TAF1B: variants seen among roughly 807,000 people sequenced by gnomAD.
TAF1B encodes TATA box-binding protein-associated factor RNA polymerase I subunit B.
In TAF1B, 61 loss-of-function variants were observed where a neutral mutation model predicts 83.9. That is an observed-to-expected ratio of 0.73 (90% CI 0.59 to 0.90). TAF1B has a LOEUF of 0.90. Among genes scored for constraint, TAF1B ranks in the 40% least tolerant of loss-of-function variants. The pLI, the probability that TAF1B is intolerant of heterozygous loss-of-function variation, is 0.00. For synonymous variants in TAF1B, 221 were observed against 224.6 expected (o/e 0.98, Z 0.14); for missense variants, 625 against 677.0 (o/e 0.92, Z 0.85).
intron 8 of TAF1B, among the ~76,000 whole-genome samples, chr2:9,901,053 G>A (rs972332504): frequency 6.6e-5 from 10 of 151,988 alleles, no homozygotes; most frequent in African/African-American, 2.4e-4. Flanking sequence ...TAATGTTGAT[G>A]TGTTATTTTT....
rs142976824 is a variant in TAF1B at position 9,904,865 on chromosome 2, C to T, written c.814C>T (p.Pro272Ser). The T allele has an allele frequency of 3.9e-4, 632 of 1,609,370 alleles. No individual in the cohort carries two copies. Among genetic ancestry groups the T allele is most frequent in the Non-Finnish European group, 5.2e-4 (611 of 1,176,222 alleles). The change falls in exon 9 of 15, where the codon CCT becomes TCT. Residue 272 changes from proline to serine, a missense_variant. Physicochemically the swap from Pro to Ser is moderately conservative, Grantham distance 74. Coordinates refer to ENST00000263663, the MANE Select transcript of TAF1B (RefSeq NM_005680.3). ...DRGIFGIESW[P>S]DYEDIYKKTV... ...GGTCTCTCTTTTATTTCAGTCTTGGCCTGACTACGAGGACATCTACAAAAA... is the reference window on the plus strand; with the variant it reads ...GGTCTCTCTTTTATTTCAGTCTTGGTCTGACTACGAGGACATCTACAAAAA...
intron 5 of TAF1B, among the ~76,000 whole-genome samples, chr2:9,855,434 T>G (rs749244630): frequency 6.6e-6 from 1 of 152,148 alleles, no homozygotes; most frequent in African/African-American, 2.4e-5. Context: ...ATCCCAACAC[T>G]TTGAGAGGCT....
At chr2:9,900,316 A>G (rs371875860) in intron 8 of TAF1B, among the ~76,000 whole-genome samples, 20 of 152,310 alleles carry the variant, frequency 1.3e-4, no homozygotes, top group South Asian at 6.2e-4. Flanking sequence ...GGCAAATTGC[A>G]TGACCCTAGG....
intron 5 of TAF1B, among the ~76,000 whole-genome samples, chr2:9,865,127 T>A (rs1485108253): frequency 2.0e-5 from 3 of 152,116 alleles, no homozygotes; most frequent in Non-Finnish European, 4.4e-5. Flanking sequence ...GGGCATGCAA[T>A]TAGGAAAAGA....
chr2:9,900,633 G>A (rs935422300), intron 8 of TAF1B, among the ~76,000 whole-genome samples: 7 of 152,124 alleles, frequency 4.6e-5, no homozygotes, highest in Admixed American at 1.3e-4. Context: ...TTGATAGTTC[G>A]GGTCTGGGGT....
intron 14 of TAF1B, among the ~76,000 whole-genome samples, chr2:9,927,425 A>T (rs558952068): frequency 3.2e-4 from 48 of 152,330 alleles, no homozygotes; most frequent in Middle Eastern, 3.4e-3. Flanking sequence ...TTCTAGTTCT[A>T]GATCCTTGAG....
chr2:9,915,855 G>A (rs185834198), intron 12 of TAF1B, among the ~76,000 whole-genome samples: 206 of 152,318 alleles, frequency 1.4e-3, no homozygotes, highest in Non-Finnish European at 1.9e-3. Flanking sequence ...TCTTCAACTG[G>A]TGACTAGCTA....
intron 5 of TAF1B, among the ~76,000 whole-genome samples, chr2:9,858,081 G>C (rs189680782): frequency 9.2e-5 from 14 of 152,238 alleles, no homozygotes; most frequent in African/African-American, 3.4e-4. Flanking sequence ...TCCAAAGTCT[G>C]ATCTGAGACA....
intron 8 of TAF1B, among the ~76,000 whole-genome samples, chr2:9,896,852 T>G (rs1047300147): frequency 5.3e-5 from 8 of 152,172 alleles, no homozygotes; most frequent in African/African-American, 1.9e-4. Context: ...GCCATTATCC[T>G]GACTTAAGAG....
intron 5 of TAF1B, among the ~76,000 whole-genome samples, chr2:9,860,319 G>T (rs186309413): frequency 6.6e-6 from 1 of 152,148 alleles, no homozygotes; most frequent in Admixed American, 6.5e-5. Context: ...CATAAATTTC[G>T]AAGCTGTTAG....
chr2:9,851,437 G>A, intron 3 of TAF1B, 104 bp from the exon 4 acceptor site: 8 of 889,778 alleles, frequency 9.0e-6, no homozygotes, highest in African/African-American at 1.7e-5. Context: ...GAAAAAAAAA[G>A]AAAAATTCAA....
chr2:9,916,923 C>T (rs1835425), intron 12 of TAF1B, among the ~76,000 whole-genome samples: 2,263 of 144,930 alleles, frequency 0.016, 61 homozygotes, highest in African/African-American at 0.052. Context: ...CTCGGCCCAC[C>T]GCAACTTCCG....
In TAF1B at chr2:9,845,947, T is replaced by C. The variant is rs144766239; in HGVS notation, c.117+629T>C. On this transcript the variant is annotated intron_variant, in intron 2 of 14. Transcript: ENST00000263663. ...GCAGTGAGACGAGATCACGCCACTGTACTCCAGCCTGGGCAGCAGAGCAAG... is the reference window on the plus strand; with the variant it reads ...GCAGTGAGACGAGATCACGCCACTGCACTCCAGCCTGGGCAGCAGAGCAAG... 523 of 393,944 alleles carry C rather than the reference T, an allele frequency of 1.3e-3. 1 individual carries two copies. The highest frequency in any genetic ancestry group is 8.7e-3 in the African/African-American group (415 of 47,700). 24.4% of individuals were successfully genotyped at this position (393,944 alleles called of 1,614,324 possible).
At chr2:9,881,205 G>T (rs995804288) in intron 7 of TAF1B, among the ~76,000 whole-genome samples, 8 of 152,062 alleles carry the variant, frequency 5.3e-5, no homozygotes, top group African/African-American at 1.9e-4. Context: ...ATGGTGGTGG[G>T]TGCCTGTAAG....
intron 3 of TAF1B, among the ~76,000 whole-genome samples, chr2:9,849,923 G>A (rs1663331631): frequency 6.6e-6 from 1 of 152,110 alleles, no homozygotes; most frequent in Admixed American, 6.5e-5. Context: ...TGACTAGGTA[G>A]CTAGGACCAA....
chr2:9,933,986 AAAATG>A lies in TAF1B; in HGVS notation c.*7_*11del. The A allele has an allele frequency of 6.3e-7, 1 of 1,580,974 alleles. No individual in the cohort carries two copies. The highest frequency in any genetic ancestry group is 8.6e-7 in the Non-Finnish European group (1 of 1,166,410). On this transcript the variant is annotated 3_prime_UTR_variant, in exon 15 of 15. Transcript: ENST00000263663. ...TCCAAGAAAGTGAGACGACATTGAG[AAAATG>A]AAATAGAAACTTTCTGGAAAAATAT...
In TAF1B at chr2:9,845,265, G is replaced by C. The variant is rs755597362; in HGVS notation, c.64G>C (p.Gly22Arg). ...TACTCAGTGTGCTGCTGTCTCATGG[G>C]GTCTTACTGATGAAGGCAAATATTA... ...RCTQCAAVSW[G>R]LTDEGKYYCT... Residue 22 changes from glycine (G) to arginine (R), a missense_variant, in exon 2 of 15, where the codon GGT (glycine) becomes CGT (arginine). By Grantham distance (125) the Gly-to-Arg change is moderately radical (BLOSUM62 -2). Transcript: ENST00000263663. 6.2e-7 allele frequency: 1 copy of C among 1,613,880 alleles called. No individual in the cohort carries two copies. The highest frequency in any genetic ancestry group is 1.7e-5 in the Admixed American group (1 of 60,020).
chr2:9,879,125 T>A (rs1572242412), intron 7 of TAF1B, among the ~76,000 whole-genome samples: 1 of 152,316 alleles, frequency 6.6e-6, no homozygotes, highest in East Asian at 1.9e-4. Flanking sequence ...TACACTATGT[T>A]TTTTCCTATG....
intron 14 of TAF1B, among the ~76,000 whole-genome samples, chr2:9,929,142 T>TTGTTGTTG (rs1553295011): frequency 1.4e-4 from 21 of 150,914 alleles, no homozygotes; most frequent in Admixed American, 3.3e-4. Context: ...ATTGGTTCTG[T>TTGTTGTTG]TTGTTGTTGT....
Sources: allele counts gnomAD v4.1 joint callset (sites outside exome capture counted in the v4.1 genomes callset), GRCh38; gene constraint gnomAD v4.1.1; transcripts MANE v1.5; gene names NCBI Gene and HGNC (gene_info 2026-07-23, HGNC 2026-07-21).